PLCXD3: variants seen among roughly 807,000 people sequenced by gnomAD.
The protein encoded by PLCXD3 is phosphatidylinositol specific phospholipase C X domain containing 3.
In PLCXD3, 19 loss-of-function variants were observed where a neutral mutation model predicts 25.5. That is an observed-to-expected ratio of 0.75 (90% CI 0.52 to 1.09). The LOEUF (loss-of-function observed/expected upper bound fraction) is 1.09, where lower values mean the gene tolerates loss of function less well. PLCXD3 is among the 50% of genes least tolerant of loss of function. The pLI, the probability that PLCXD3 is intolerant of heterozygous loss-of-function variation, is 0.00. For synonymous variants in PLCXD3, 174 were observed against 137.6 expected (o/e 1.26, Z -1.85); for missense variants, 411 against 388.1 (o/e 1.06, Z -0.50).
At chr5:41,361,094 TG>T (rs371067850) in intron 2 of PLCXD3, among the ~76,000 whole-genome samples, 2 of 151,060 alleles carry the variant, frequency 1.3e-5, no homozygotes, top group South Asian at 2.1e-4. Context: ...CTGTGGGGGA[TG>T]GGGGTGTGGA....
intron 1 of PLCXD3, among the ~76,000 whole-genome samples, chr5:41,432,283 C>T (rs1387056946): frequency 6.6e-6 from 1 of 152,198 alleles, no homozygotes; most frequent in East Asian, 1.9e-4. Context: ...AATTATCATA[C>T]TTGTGCTAAT....
chr5:41,510,527 C>T lies in PLCXD3; in HGVS notation c.-1G>A. 1.2e-6 allele frequency: 2 copies of T among 1,612,420 alleles called. No individual in the cohort carries two copies. The highest frequency in any genetic ancestry group is 1.7e-6 in the Non-Finnish European group (2 of 1,179,024). Reference sequence around the variant, plus strand: ...CGTTTTTCCCCTGAGACGAGGCCATCGTGCCAGTCGGCGTGCAGCGCGCTG... The same window carrying T: ...CGTTTTTCCCCTGAGACGAGGCCATTGTGCCAGTCGGCGTGCAGCGCGCTG... On this transcript the variant is annotated 5_prime_UTR_variant, in exon 1 of 3. Coordinates refer to ENST00000377801, the MANE Select transcript of PLCXD3 (RefSeq NM_001005473.3).
chr5:41,486,736 T>C (rs1342302527), intron 1 of PLCXD3, among the ~76,000 whole-genome samples: 3 of 152,232 alleles, frequency 2.0e-5, no homozygotes, highest in Non-Finnish European at 2.9e-5. Context: ...GCTACGTTTA[T>C]TGACTACTAA....
chr5:41,503,712 C>A (rs569969179), intron 1 of PLCXD3, among the ~76,000 whole-genome samples: 2 of 152,164 alleles, frequency 1.3e-5, no homozygotes, highest in South Asian at 4.2e-4. Flanking sequence ...ATGATATAGA[C>A]AATTTTTTGG....
intron 1 of PLCXD3, among the ~76,000 whole-genome samples, chr5:41,396,824 A>G (rs1236837521): frequency 6.6e-6 from 1 of 152,210 alleles, no homozygotes; most frequent in East Asian, 1.9e-4. Flanking sequence ...GACGACTGGA[A>G]GCATTTGTGC....
intron 1 of PLCXD3, among the ~76,000 whole-genome samples, chr5:41,385,596 G>T (rs1284024350): frequency 6.6e-6 from 1 of 152,096 alleles, no homozygotes; most frequent in Admixed American, 6.6e-5. Context: ...TTCTAAGATG[G>T]CACCTAACAA....
chr5:41,384,745 G>A (rs1295940060), intron 1 of PLCXD3, among the ~76,000 whole-genome samples: 1 of 152,050 alleles, frequency 6.6e-6, no homozygotes, highest in Non-Finnish European at 1.5e-5. Flanking sequence ...CACTGTGAAA[G>A]GATATTATAC....
intron 1 of PLCXD3, among the ~76,000 whole-genome samples, chr5:41,400,116 T>G (rs1488283185): frequency 1.3e-5 from 2 of 151,984 alleles, no homozygotes; most frequent in African/African-American, 4.8e-5. Flanking sequence ...ATCAGAGAAA[T>G]GCAAATCAAA....
chr5:41,382,302 A>C lies in PLCXD3; in HGVS notation c.336T>G (p.Phe112Leu), dbSNP rs764768841. The change falls in exon 2 of 3, where the codon TTT becomes TTG. Residue 112 changes from phenylalanine to leucine, a missense_variant. By Grantham distance (22) the Phe-to-Leu change is conservative. Coordinates refer to ENST00000377801, the MANE Select transcript of PLCXD3 (RefSeq NM_001005473.3). ...KPRDPDNELY[F>L]AHGLFSAKVN... ...CTTTGGCACTGAACAAACCATGAGCAAAATAGAGTTCATTGTCGGGGTCTC... is the reference window on the plus strand; with the variant it reads ...CTTTGGCACTGAACAAACCATGAGCCAAATAGAGTTCATTGTCGGGGTCTC... 6.2e-7 allele frequency: 1 copy of C among 1,613,634 alleles called. No individual in the cohort carries two copies. The highest frequency in any genetic ancestry group is 8.5e-7 in the Non-Finnish European group (1 of 1,179,724).
At chr5:41,411,879 TATATGTATCCATATATATATCTCC>T (rs1463642308) in intron 1 of PLCXD3, among the ~76,000 whole-genome samples, 56 of 5,186 alleles carry the variant, frequency 0.011, 4 homozygotes, top group African/African-American at 0.059. Context: ...TATCTCCATA[TATATGTATCCATATATATATCTCC>T]ATATATATGT....
chr5:41,362,830 A>T (rs541689114), intron 2 of PLCXD3, among the ~76,000 whole-genome samples: 1 of 152,128 alleles, frequency 6.6e-6, no homozygotes, highest in East Asian at 1.9e-4. Flanking sequence ...CACTTGGTTT[A>T]GGGTCATTCT....
intron 2 of PLCXD3, among the ~76,000 whole-genome samples, chr5:41,331,431 G>A (rs1453738845): frequency 1.3e-5 from 2 of 152,036 alleles, no homozygotes; most frequent in Non-Finnish European, 2.9e-5. Context: ...CACTGCTCAA[G>A]GAAATAAAAG....
chr5:41,316,883 C>T (rs1743313455), intron 2 of PLCXD3, among the ~76,000 whole-genome samples: 1 of 152,146 alleles, frequency 6.6e-6, no homozygotes, highest in Non-Finnish European at 1.5e-5. Flanking sequence ...GGCTCTACTC[C>T]CTGACTCCAG....
chr5:41,486,786 T>A (rs1018945138), intron 1 of PLCXD3, among the ~76,000 whole-genome samples: 4 of 152,198 alleles, frequency 2.6e-5, no homozygotes, highest in African/African-American at 9.7e-5. Context: ...CCTCTTGAAT[T>A]CTGACAACAA....
intron 1 of PLCXD3, among the ~76,000 whole-genome samples, chr5:41,461,922 A>G (rs144047106): frequency 1.3e-3 from 202 of 152,056 alleles, no homozygotes; most frequent in Non-Finnish European, 3.2e-4. Flanking sequence ...TAGGTATCAA[A>G]TCTACTCAAC....
At chr5:41,339,995 C>A (rs755783259) in intron 2 of PLCXD3, among the ~76,000 whole-genome samples, 1 of 152,100 alleles carries the variant, frequency 6.6e-6, no homozygotes, top group East Asian at 1.9e-4. Context: ...AGAAACATGG[C>A]GAGGTGTTGA....
chr5:41,345,816 G>A (rs1744285105), intron 2 of PLCXD3, among the ~76,000 whole-genome samples: 1 of 150,980 alleles, frequency 6.6e-6, no homozygotes, highest in African/African-American at 2.4e-5. Flanking sequence ...ATACTTATTT[G>A]CCTTTATCCA....
At chr5:41,354,340 A>G (rs748597128) in intron 2 of PLCXD3, among the ~76,000 whole-genome samples, 1 of 152,000 alleles carries the variant, frequency 6.6e-6, no homozygotes, top group African/African-American at 2.4e-5. Context: ...AATGGTCATC[A>G]TCCCTCCCTC....
intron 1 of PLCXD3, among the ~76,000 whole-genome samples, chr5:41,400,271 C>G (rs1343549249): frequency 2.6e-5 from 4 of 152,076 alleles, no homozygotes; most frequent in Non-Finnish European, 4.4e-5. Flanking sequence ...CTATGGAGAA[C>G]AGTTTGGAGG....
Sources: gnomAD v4.1 joint callset for allele counts (sites outside exome capture counted in the v4.1 genomes callset) on GRCh38, gnomAD v4.1.1 for gene constraint, MANE v1.5 for transcripts, NCBI Gene and HGNC (gene_info 2026-07-23, HGNC 2026-07-21) for gene names.